PTPN6: variants seen among roughly 807,000 people sequenced by gnomAD.
The protein encoded by PTPN6 is tyrosine-protein phosphatase non-receptor type 6.
Under a neutral mutation model 81.5 loss-of-function variants are expected in PTPN6, and 18 were observed. The ratio of observed to expected loss-of-function variants is 0.22; its 90% confidence interval spans 0.15 to 0.33. The LOEUF (loss-of-function observed/expected upper bound fraction) is 0.33, where lower values mean the gene tolerates loss of function less well. Among genes scored for constraint, PTPN6 ranks in the 10% least tolerant of loss-of-function variants. PTPN6 has a pLI of 1.00. For missense variants in PTPN6, 500 were observed against 794.2 expected, an observed-to-expected ratio of 0.63 and a Z score of 4.45; for synonymous variants, 301 against 310.9, an observed-to-expected ratio of 0.97 and a Z score of 0.33.
At chr12:6,948,945 CAAA>C (rs1165231109), upstream of PTPN6, among the ~76,000 whole-genome samples, 2 of 84,958 alleles carry the variant, frequency 2.4e-5, no homozygotes, top group African/African-American at 4.4e-5. Context: ...GACTCCATCT[CAAA>C]AAAAAAAAAA....
At position 6,960,374 on chromosome 12, in the gene PTPN6, A is replaced by G; in HGVS notation, c.1612A>G (p.Asn538Asp). ...SQKGQESEYG[N>D]ITYPPAMKNA... ...GAAGGGCCAGGAGTCGGAGTACGGG[A>G]ACATCACCTATCCCCCAGCCATGAA... is the stretch of plus-strand genomic sequence containing the variant. The change falls in exon 14 of 16, where the codon AAC becomes GAC. Residue 538 changes from asparagine to aspartate, a missense_variant. Asn to Asp is a conservative substitution (Grantham distance 23, BLOSUM62 1). Around this residue, in one of 6 missense-constraint regions of PTPN6, gnomAD observed 226 missense variants for 364.4 expected, o/e 0.62. Transcript: ENST00000318974. This position sits in a 1 kb window ranked among gnomAD's most constrained non-coding sequence, Gnocchi z 6.1. 6.2e-7 allele frequency: 1 copy of G among 1,613,554 alleles called. No individual in the cohort carries two copies. The highest frequency in any genetic ancestry group is 8.5e-7 in the Non-Finnish European group (1 of 1,179,956).
In PTPN6 at chr12:6,955,904, C is replaced by T. The variant is rs1946021410; in HGVS notation, c.844+148C>T. 4.6e-6 allele frequency: 4 copies of T among 872,764 alleles called. No homozygotes were observed. The highest frequency in any genetic ancestry group is 1.7e-5 in the African/African-American group (1 of 59,882). 54.1% of individuals were successfully genotyped at this position (872,764 alleles called of 1,614,324 possible). On this transcript the variant is annotated intron_variant, in intron 7 of 15. Coordinates refer to ENST00000318974, the MANE Select transcript of PTPN6 (RefSeq NM_002831.6). The surrounding 1 kb of genome is among the most constrained non-coding windows in gnomAD (Gnocchi z 7.2). ...CTCCCCCTTCTCCAAAAGGCCTCTA[C>T]TCCTCCCAGAAGTGCCTCCCCACCA...
At position 6,960,421 on chromosome 12, in the gene PTPN6, C is replaced by A. The variant is rs782321212; in HGVS notation, c.1659C>A (p.Ser553=). Residue 553 remains serine, a synonymous_variant, in exon 14 of 16, where the codon TCC becomes TCA. Coordinates refer to ENST00000318974, the MANE Select transcript of PTPN6 (RefSeq NM_002831.6). This position sits in a 1 kb window ranked among gnomAD's most constrained non-coding sequence, Gnocchi z 6.1. The part of the protein sequence containing the change: ...PAMKNAHAKA[S]RTSSKHKEDV... ...TGAAGAATGCCCATGCCAAGGCCTC[C>A]CGCACCTCGTCCAAGTGAGTGGCCC... 8 of 1,613,690 alleles carry A rather than the reference C, an allele frequency of 5.0e-6. No homozygotes were observed. In the African/African-American group the frequency reaches 6.7e-5, roughly 13 times the overall value.
rs1945941997 is a variant in PTPN6, at chr12:6,952,380, C to T, written c.326+203C>T. 1.5e-6 allele frequency: 1 copy of T among 651,202 alleles called. No homozygotes were observed. Among genetic ancestry groups the T allele is most frequent in the Non-Finnish European group, 2.6e-6 (1 of 381,988 alleles). 40.3% of individuals were successfully genotyped at this position (651,202 alleles called of 1,614,324 possible). On this transcript the variant is annotated intron_variant, in intron 3 of 15. Transcript: ENST00000318974. This position sits in a 1 kb window ranked among gnomAD's most constrained non-coding sequence, Gnocchi z 8.1. ...AGAGCCTAACCTACCACCCTTTCCA[C>T]CTAACCCCGAGGAAGCCACAGAAAG...
chr12:6,958,405 C>T (rs1565584127), intron 11 of PTPN6, among the ~76,000 whole-genome samples: 1 of 152,268 alleles, frequency 6.6e-6, no homozygotes, highest in Non-Finnish European at 1.5e-5. Flanking sequence ...CAGGCACCCA[C>T]AGTAGGCCTG....
In PTPN6 at chr12:6,960,422, C is replaced by T. The variant is rs782599498; in HGVS notation, c.1660C>T (p.Arg554Cys). ...GAAGAATGCCCATGCCAAGGCCTCC[C>T]GCACCTCGTCCAAGTGAGTGGCCCT... ...AMKNAHAKASRTSSKHKEDVY... is the reference protein window; with the variant it reads ...AMKNAHAKASCTSSKHKEDVY... The change falls in exon 14 of 16, where the codon CGC (arginine) becomes TGC (cysteine). Residue 554 changes from arginine (R) to cysteine (C), a missense_variant. Transcript: ENST00000318974. The surrounding 1 kb of genome is among the most constrained non-coding windows in gnomAD (Gnocchi z 6.1). The T allele has an allele frequency of 7.4e-6, 12 of 1,613,720 alleles. No individual in the cohort carries two copies. Among genetic ancestry groups the T allele is most frequent in the East Asian group, 6.7e-5 (3 of 44,870 alleles).
At position 6,954,663 on chromosome 12, in the gene PTPN6, T is replaced by G; in HGVS notation, c.327-142T>G. 1 of 770,734 alleles carries G rather than the reference T, an allele frequency of 1.3e-6. No individual in the cohort carries two copies. Among genetic ancestry groups the G allele is most frequent in the Non-Finnish European group, 2.1e-6 (1 of 470,028 alleles). 47.7% of individuals were successfully genotyped at this position (770,734 alleles called of 1,614,324 possible). A position where few individuals can be genotyped will look rare whatever the true frequency, so the allele number is the denominator to read the frequency against. ...TCAGCATGTTTGTGAGAGACCTAAA[T>G]GAGGTGGTGGATTTGGAAGCATGTA... is the stretch of plus-strand genomic sequence containing the variant. On this transcript the variant is annotated intron_variant, in intron 3 of 15. Transcript: ENST00000318974. The surrounding 1 kb of genome is among the most constrained non-coding windows in gnomAD (Gnocchi z 5.4).
Position 6,957,609 on chromosome 12 carries a change from G to A in PTPN6, c.1075-45G>A. 6.2e-7 allele frequency: 1 copy of A among 1,605,606 alleles called. No homozygotes were observed. Among genetic ancestry groups the A allele is most frequent in the Non-Finnish European group, 8.5e-7 (1 of 1,176,704 alleles). On this transcript the variant is annotated intron_variant, in intron 9 of 15. Transcript: ENST00000318974. The surrounding 1 kb of genome is among the most constrained non-coding windows in gnomAD (Gnocchi z 6.5). ...AGAGCAGGACCTGGGATGGGCCACA[G>A]TGCCCTGCTCTGTGCCTCATCCCCA...
In PTPN6 at chr12:6,957,629, T is replaced by TCCCCCCCCCCCCCC; in HGVS notation, c.1075-21_1075-20insCCCCCCCCCCCCCC. The TCCCCCCCCCCCCCC allele has an allele frequency of 6.6e-7, 1 of 1,521,440 alleles. No homozygotes were observed. Among genetic ancestry groups the TCCCCCCCCCCCCCC allele is most frequent in the Non-Finnish European group, 9.0e-7 (1 of 1,105,626 alleles). The allele number at this position is 1,521,440 out of a possible 1,614,324, so 94.2% of individuals were successfully genotyped here. A position where few individuals can be genotyped will look rare whatever the true frequency, so the allele number is the denominator to read the frequency against. ...CCACAGTGCCCTGCTCTGTGCCTCA[T>TCCCCCCCCCCCCCC]CCCCACCCGACCCTCCCTTTCCAGA... On this transcript the variant is annotated intron_variant, in intron 9 of 15. Transcript: ENST00000318974. The surrounding 1 kb of genome is among the most constrained non-coding windows in gnomAD (Gnocchi z 6.5).
Position 6,960,270 on chromosome 12 carries a change from G to A in PTPN6, c.1581+31G>A, listed in dbSNP as rs367730757. 110 of 1,605,122 alleles carry A rather than the reference G, an allele frequency of 6.9e-5. No individual in the cohort carries two copies. The highest frequency in any genetic ancestry group is 1.6e-4 in the Middle Eastern group (1 of 6,064). Reference sequence around the variant, plus strand: ...TGCAGAGCAGGGCCTGGGGGGGGGGGGGGCTGCAGTGCAGGATGGGTGCCA... The same window carrying A: ...TGCAGAGCAGGGCCTGGGGGGGGGGAGGGCTGCAGTGCAGGATGGGTGCCA... On this transcript the variant is annotated intron_variant, in intron 13 of 15. Transcript: ENST00000318974. The surrounding 1 kb of genome is among the most constrained non-coding windows in gnomAD (Gnocchi z 6.1).
At position 6,960,505 on chromosome 12, in the gene PTPN6, G is replaced by T; in HGVS notation, c.1673+70G>T. On this transcript the variant is annotated intron_variant, in intron 14 of 15. Coordinates refer to ENST00000318974, the MANE Select transcript of PTPN6 (RefSeq NM_002831.6). The surrounding 1 kb of genome is among the most constrained non-coding windows in gnomAD (Gnocchi z 6.1). ...CTGCCCAGCCCGATCCTCACTTTCT[G>T]GAGAGGACAAGTGTTGCAGCTGGGG... 6.6e-7 allele frequency: 1 copy of T among 1,525,892 alleles called. No individual in the cohort carries two copies. 94.5% of individuals were successfully genotyped at this position (1,525,892 alleles called of 1,614,324 possible). A position where few individuals can be genotyped will look rare whatever the true frequency, so the allele number is the denominator to read the frequency against.
At chr12:6,947,846 A>T (rs1371904331), upstream of PTPN6, among the ~76,000 whole-genome samples, 3 of 152,094 alleles carry the variant, frequency 2.0e-5, no homozygotes, top group African/African-American at 7.2e-5. Flanking sequence ...ATCAAGAGTC[A>T]AGCATCTCTG....
chr12:6,954,764 T>A lies in PTPN6; in HGVS notation c.327-41T>A. On this transcript the variant is annotated intron_variant, in intron 3 of 15. Transcript: ENST00000318974. The surrounding 1 kb of genome is among the most constrained non-coding windows in gnomAD (Gnocchi z 5.4). ...AATGTCTCTGCTCAGCGCCTTCCCC[T>A]GTGGCCTGGGTCTTACCTTCCCTGA... 1 of 1,595,636 alleles carries A rather than the reference T, an allele frequency of 6.3e-7. No homozygotes were observed. The highest frequency in any genetic ancestry group is 8.6e-7 in the Non-Finnish European group (1 of 1,169,268).
chr12:6,958,212 C>A (rs1946067080), intron 11 of PTPN6, 139 bp downstream of exon 11: 2 of 1,247,362 alleles, frequency 1.6e-6, no homozygotes, highest in Admixed American at 2.0e-5. Context: ...CCTGGGTCCC[C>A]TCATGGCTCC....
At position 6,954,436 on chromosome 12, in the gene PTPN6, C is replaced by T. The variant is rs782447008; in HGVS notation, c.327-369C>T. ...AGAGGTGGGCTCTGGGTTCGAAGCC[C>T]GGTTAGAACTCTGGAGGCTAGGATG... is the stretch of plus-strand genomic sequence containing the variant. On this transcript the variant is annotated intron_variant, in intron 3 of 15. Coordinates refer to ENST00000318974, the MANE Select transcript of PTPN6 (RefSeq NM_002831.6). The surrounding 1 kb of genome is among the most constrained non-coding windows in gnomAD (Gnocchi z 5.4). Among the ~76,000 whole-genome samples, 3 of 152,168 alleles carry T rather than the reference C, an allele frequency of 2.0e-5. No individual in the cohort carries two copies. Among genetic ancestry groups the T allele is most frequent in the Admixed American group, 6.5e-5 (1 of 15,276 alleles).
rs1268309068 is a variant in PTPN6, at chr12:6,960,950, A to G, written c.*25+5A>G. ...TGCTGTCCTCAGGTGGCCATGGTAC[A>G]GCTCTTCTGCCTGGGTGTCCTCCCT... is the stretch of plus-strand genomic sequence containing the variant. On this transcript the variant is annotated splice_donor_5th_base_variant and intron_variant, in intron 15 of 15. Transcript: ENST00000318974. This position sits in a 1 kb window ranked among gnomAD's most constrained non-coding sequence, Gnocchi z 6.1. The G allele has an allele frequency of 4.5e-6, 7 of 1,554,956 alleles. No homozygotes were observed. The highest frequency in any genetic ancestry group is 6.1e-6 in the Non-Finnish European group (7 of 1,149,342).
In PTPN6 at chr12:6,960,211, C is replaced by G. The variant is rs1946106693; in HGVS notation, c.1553C>G (p.Thr518Ser). 2 of 1,611,908 alleles carry G rather than the reference C, an allele frequency of 1.2e-6. No homozygotes were observed. Among genetic ancestry groups the G allele is most frequent in the African/African-American group, 1.4e-5 (1 of 74,056 alleles). The part of the protein sequence containing the change: ...IYVAIAQFIE[T>S]TKKKLEVLQS... ...GTGGCCATCGCCCAGTTCATTGAAA[C>G]CACTAAGAAGAAGCTGGAGGTCCTG... Residue 518 changes from threonine (T) to serine (S), a missense_variant, in exon 13 of 16, where the codon ACC becomes AGC. By Grantham distance (58) the Thr-to-Ser change is moderately conservative (BLOSUM62 1). Around this residue, in one of 6 missense-constraint regions of PTPN6, gnomAD observed 226 missense variants for 364.4 expected, o/e 0.62. Coordinates refer to ENST00000318974, the MANE Select transcript of PTPN6 (RefSeq NM_002831.6). This position sits in a 1 kb window ranked among gnomAD's most constrained non-coding sequence, Gnocchi z 6.1.
rs1354057351 is a variant in PTPN6, at chr12:6,959,671, C to T, written c.1362-256C>T. 1.4e-5 allele frequency: 8 copies of T among 588,528 alleles called. No individual in the cohort carries two copies. Among genetic ancestry groups the T allele is most frequent in the East Asian group, 1.1e-4 (4 of 35,288 alleles). 36.5% of individuals were successfully genotyped at this position (588,528 alleles called of 1,614,324 possible). ...CCACTCACTAGGAGTGAGGAGTCGG[C>T]GCGAGGAGTGGAGGAGGGAAGGATG... On this transcript the variant is annotated intron_variant, in intron 11 of 15. Transcript: ENST00000318974. This position sits in a 1 kb window ranked among gnomAD's most constrained non-coding sequence, Gnocchi z 6.6.
Position 6,951,401 on chromosome 12 carries a change from CG to C in PTPN6, c.-110del. On this transcript the variant is annotated 5_prime_UTR_variant, in exon 1 of 16. Transcript: ENST00000318974. The surrounding 1 kb of genome is among the most constrained non-coding windows in gnomAD (Gnocchi z 7.2). ...ACTGGGACCACCGGGGGTGGTGAGGCGGCCCGGCACTGGGAGCTGCATCTGA... is the reference window on the plus strand; with the variant it reads ...ACTGGGACCACCGGGGGTGGTGAGGCGCCCGGCACTGGGAGCTGCATCTGA... 6.5e-7 allele frequency: 1 copy of C among 1,549,418 alleles called. No homozygotes were observed. The highest frequency in any genetic ancestry group is 8.7e-7 in the Non-Finnish European group (1 of 1,147,518).
Sources: allele counts gnomAD v4.1 joint callset (sites outside exome capture counted in the v4.1 genomes callset), GRCh38; gene constraint gnomAD v4.1.1; regional missense constraint gnomAD v4.1.1; non-coding constraint Gnocchi (gnomAD v3.1); transcripts MANE v1.5; gene names NCBI Gene and HGNC (gene_info 2026-07-23, HGNC 2026-07-21).